The following CCDC69 variants were observed in gnomAD, a reference collection of about 807,000 sequenced individuals.
CCDC69 encodes coiled-coil domain-containing protein 69.
A neutral mutation model predicts 40.3 loss-of-function variants in CCDC69; 38 were observed. That is an observed-to-expected ratio of 0.94 (90% CI 0.73 to 1.24). The LOEUF (loss-of-function observed/expected upper bound fraction) is 1.24, where lower values mean the gene tolerates loss of function less well. CCDC69 is among the 50% of genes most tolerant of loss of function. The probability of loss-of-function intolerance (pLI) is 0.00; values close to 1 mark genes in which losing one functional copy is unlikely to be tolerated. For synonymous variants in CCDC69, 141 were observed against 138.9 expected (o/e 1.02, Z -0.11); for missense variants, 389 against 357.9 (o/e 1.09, Z -0.70).
chr5:151,195,292 T>C (rs75976378), intron 4 of CCDC69, among the ~76,000 whole-genome samples: 4,549 of 152,302 alleles, frequency 0.03, 149 homozygotes, highest in African/African-American at 0.079. Context: ...ATCAAAGCAA[T>C]GCTTGGAGAA....
At chr5:151,185,351 T>C in intron 7 of CCDC69, 71 bp downstream of exon 7, 1 of 1,571,008 alleles carries the variant, frequency 6.4e-7, no homozygotes, top group Non-Finnish European at 8.7e-7. Context: ...CCCCTCTGCA[T>C]GCTTTACAAA....
intron 1 of CCDC69, chr5:151,212,765 T>A: frequency 4.4e-6 from 2 of 456,000 alleles, no homozygotes; most frequent in Non-Finnish European, 8.8e-6. Context: ...TCAGCAGGAA[T>A]GTCATGGGTA....
At chr5:151,215,364 C>T (rs1753021590) in intron 1 of CCDC69, among the ~76,000 whole-genome samples, 1 of 152,230 alleles carries the variant, frequency 6.6e-6, no homozygotes, top group Admixed American at 6.5e-5. Context: ...GTACCCTCCT[C>T]TGCATGGCAT....
At chr5:151,186,216 G>A in intron 5 of CCDC69, 92 bp from the exon 6 acceptor site, 1 of 857,220 alleles carries the variant, frequency 1.2e-6, no homozygotes, top group Non-Finnish European at 2.0e-6. Context: ...AACGGTTTTG[G>A]GTTCTTCAAT....
At chr5:151,210,607 C>A (rs1441292862) in intron 1 of CCDC69, 1 of 152,090 alleles carries the variant, frequency 6.6e-6, no homozygotes, top group Admixed American at 6.5e-5. Context: ...ATTTTATACA[C>A]ATCTAATATT....
At chr5:151,196,850 G>A (rs1183090958) in intron 4 of CCDC69, among the ~76,000 whole-genome samples, 2 of 152,232 alleles carry the variant, frequency 1.3e-5, no homozygotes, top group East Asian at 1.9e-4. Context: ...ATGATCGTAT[G>A]ACCCAGCAAT....
intron 4 of CCDC69, among the ~76,000 whole-genome samples, chr5:151,192,324 G>C (rs139384777): frequency 6.6e-6 from 1 of 151,270 alleles, no homozygotes. Context: ...ACATACACAT[G>C]ACCAATATCA....
At chr5:151,204,387 C>T (rs1008432686) in intron 2 of CCDC69, among the ~76,000 whole-genome samples, 13 of 152,130 alleles carry the variant, frequency 8.5e-5, no homozygotes, top group Non-Finnish European at 1.6e-4. Flanking sequence ...ATTACTTATG[C>T]GGTACTTGAA....
At chr5:151,187,695 C>T (rs935678945) in intron 4 of CCDC69, among the ~76,000 whole-genome samples, 14 of 152,162 alleles carry the variant, frequency 9.2e-5, no homozygotes, top group Admixed American at 3.3e-4. Context: ...CTGGGAGGAA[C>T]GCTACCAGAT....
intron 4 of CCDC69, among the ~76,000 whole-genome samples, chr5:151,190,665 C>CAAA (rs35015191): frequency 2.1e-5 from 2 of 93,534 alleles, no homozygotes; most frequent in African/African-American, 4.5e-5. Flanking sequence ...GACTCTGTCT[C>CAAA]AAAAAAAAAA....
At chr5:151,192,009 C>T (rs1305145128) in intron 4 of CCDC69, among the ~76,000 whole-genome samples, 3 of 143,484 alleles carry the variant, frequency 2.1e-5, no homozygotes, top group Non-Finnish European at 4.5e-5. Context: ...TGCTTGATTC[C>T]AGGAGTTTGA....
chr5:151,190,875 C>G (rs946893307), intron 4 of CCDC69, among the ~76,000 whole-genome samples: 9 of 151,524 alleles, frequency 5.9e-5, no homozygotes, highest in African/African-American at 2.2e-4. Flanking sequence ...AAAACACATC[C>G]TAAAATGGTA....
At position 151,211,989 on chromosome 5, in the gene CCDC69, C is replaced by A. The variant is rs560928542; in HGVS notation, c.49-6514G>T. 4.3e-4 allele frequency among the ~76,000 whole-genome samples: 56 copies of A among 131,760 alleles called. 1 individual carries two copies. Among genetic ancestry groups the A allele is most frequent in the African/African-American group, 1.5e-3 (53 of 35,754 alleles). The allele number at this position is 131,760 out of a possible 152,430, so 86.4% of individuals were successfully genotyped here. ...CTCAGAGGTCATGGAGCAGACGGCA[C>A]CTGCAGTGTGTGCGTGGGTGGTGGT... On this transcript the variant is annotated intron_variant, in intron 1 of 8. Transcript: ENST00000355417.
At chr5:151,200,184 G>T (rs1752757717) in intron 3 of CCDC69, among the ~76,000 whole-genome samples, 1 of 151,992 alleles carries the variant, frequency 6.6e-6, no homozygotes, top group Admixed American at 6.6e-5. Context: ...TGCCACCCAG[G>T]CAAGAGTGCA....
chr5:151,221,723 G>A (rs1717966843), intron 1 of CCDC69, among the ~76,000 whole-genome samples: 1 of 152,244 alleles, frequency 6.6e-6, no homozygotes. Flanking sequence ...GACTGGGCGG[G>A]ATGTGAAAGC....
At chr5:151,190,566 T>C (rs771845674) in intron 4 of CCDC69, among the ~76,000 whole-genome samples, 1 of 148,900 alleles carries the variant, frequency 6.7e-6, no homozygotes, top group Non-Finnish European at 1.5e-5. Context: ...CTTGGGAGGC[T>C]GAGGTAGGAG....
intron 1 of CCDC69, among the ~76,000 whole-genome samples, chr5:151,219,818 C>T (rs906622910): frequency 6.6e-6 from 1 of 152,010 alleles, no homozygotes; most frequent in African/African-American, 2.4e-5. Flanking sequence ...TTAATGGAAT[C>T]GTAAATATTT....
chr5:151,210,321 A>C (rs777089418), intron 1 of CCDC69, among the ~76,000 whole-genome samples: 1 of 152,124 alleles, frequency 6.6e-6, no homozygotes, highest in Admixed American at 6.5e-5. Context: ...AGGTGGGTGG[A>C]TCATTTGAGG....
chr5:151,185,642 C>T, intron 6 of CCDC69, 101 bp from the exon 7 acceptor site: 2 of 1,204,664 alleles, frequency 1.7e-6, no homozygotes, highest in South Asian at 2.7e-5. Context: ...CACCCACCTT[C>T]CTCTCTCAGC....
Sources: gnomAD v4.1 joint callset for allele counts (sites outside exome capture counted in the v4.1 genomes callset) on GRCh38, gnomAD v4.1.1 for gene constraint, MANE v1.5 for transcripts, NCBI Gene and HGNC (gene_info 2026-07-23, HGNC 2026-07-21) for gene names.